The following HDAC4 variants were observed in gnomAD, a reference collection of about 807,000 sequenced individuals.
HDAC4 encodes the protein histone deacetylase A.
Under a neutral mutation model 135.1 loss-of-function variants are expected in HDAC4, and 16 were observed. That is an observed-to-expected ratio of 0.12 (90% CI 0.08 to 0.18). The LOEUF is 0.18. HDAC4 is among the 10% of genes least tolerant of loss of function. HDAC4 has a pLI of 1.00. For missense variants in HDAC4, 1,143 were observed against 1,511.8 expected (o/e 0.76, Z 4.05); for synonymous variants, 685 against 653.4 (o/e 1.05, Z -0.74).
At chr2:239,098,478 C>T (rs992108867) in intron 16 of HDAC4, among the ~76,000 whole-genome samples, 4 of 152,244 alleles carry the variant, frequency 2.6e-5, no homozygotes, top group Admixed American at 1.3e-4. Flanking sequence ...TGAGCATCAC[C>T]GGCACCCACT....
At chr2:239,321,911 G>C (rs191149355) in intron 2 of HDAC4, among the ~76,000 whole-genome samples, 10 of 152,256 alleles carry the variant, frequency 6.6e-5, no homozygotes, top group Admixed American at 5.9e-4. Context: ...TTGACATGTT[G>C]AACAAAGAAT....
chr2:239,072,101 T>C (rs1362075512), intron 22 of HDAC4, among the ~76,000 whole-genome samples: 1 of 152,206 alleles, frequency 6.6e-6, no homozygotes, highest in African/African-American at 2.4e-5. Context: ...TCACCACTCT[T>C]CCTACCCAAG....
intron 22 of HDAC4, among the ~76,000 whole-genome samples, chr2:239,075,900 C>T (rs990145445): frequency 6.6e-6 from 1 of 151,414 alleles, no homozygotes; most frequent in African/African-American, 2.4e-5. Context: ...GGGTGCTGGC[C>T]ACTTTCCTCG....
chr2:239,231,942 C>T (rs1486203162), intron 3 of HDAC4, among the ~76,000 whole-genome samples: 98 of 142,988 alleles, frequency 6.9e-4, no homozygotes, highest in Middle Eastern at 3.5e-3. Context: ...TCTCCTCAAT[C>T]GAGGCTGCTG....
intron 3 of HDAC4, among the ~76,000 whole-genome samples, chr2:239,190,677 G>A (rs758861760): frequency 1.4e-4 from 22 of 152,314 alleles, no homozygotes; most frequent in African/African-American, 4.3e-4. Flanking sequence ...CACAGCCAAC[G>A]AGACGTGCTC....
chr2:239,292,072 C>G (rs900700903), intron 2 of HDAC4, among the ~76,000 whole-genome samples: 3 of 151,936 alleles, frequency 2.0e-5, no homozygotes, highest in Admixed American at 1.3e-4. Context: ...ACACCAGGGG[C>G]TGCGCGCACA....
intron 1 of HDAC4, among the ~76,000 whole-genome samples, chr2:239,360,827 T>C (rs558668292): frequency 6.6e-6 from 1 of 152,326 alleles, no homozygotes; most frequent in South Asian, 2.1e-4. Context: ...AGCCTGATTC[T>C]TTTCTCCCCA....
At chr2:239,359,462 G>A (rs1016806220) in intron 1 of HDAC4, among the ~76,000 whole-genome samples, 2 of 152,214 alleles carry the variant, frequency 1.3e-5, no homozygotes, top group Non-Finnish European at 2.9e-5. Flanking sequence ...TGTCCTCTGC[G>A]CTGAGGGAAG....
intron 1 of HDAC4, among the ~76,000 whole-genome samples, chr2:239,396,541 G>A (rs961455055): frequency 1.3e-5 from 2 of 152,054 alleles, no homozygotes; most frequent in African/African-American, 4.8e-5. Context: ...TTTCATCACT[G>A]GCACAATGAT....
intron 3 of HDAC4, among the ~76,000 whole-genome samples, chr2:239,196,416 G>A (rs1455869264): frequency 6.6e-6 from 1 of 152,216 alleles, no homozygotes; most frequent in Non-Finnish European, 1.5e-5. Context: ...CTTGTTAAGT[G>A]TCCTCTTGCT....
intron 2 of HDAC4, among the ~76,000 whole-genome samples, chr2:239,261,556 C>T (rs1195437109): frequency 6.6e-6 from 1 of 152,120 alleles, no homozygotes; most frequent in Non-Finnish European, 1.5e-5. Context: ...ATCTTACTAG[C>T]CTGCCAGCCA....
intron 1 of HDAC4, among the ~76,000 whole-genome samples, chr2:239,378,764 T>C (rs1396547299): frequency 6.6e-6 from 1 of 152,222 alleles, no homozygotes; most frequent in African/African-American, 2.4e-5. Flanking sequence ...CCCCGGCATG[T>C]CCTGGGCTCT....
chr2:239,372,017 G>A (rs1365780594), intron 1 of HDAC4, among the ~76,000 whole-genome samples: 1 of 152,244 alleles, frequency 6.6e-6, no homozygotes, highest in Admixed American at 6.5e-5. Context: ...GACCAGGGCA[G>A]GGCGCGTGGG....
chr2:239,293,234 C>T (rs536860064), intron 2 of HDAC4, among the ~76,000 whole-genome samples: 1 of 152,308 alleles, frequency 6.6e-6, no homozygotes, highest in African/African-American at 2.4e-5. Flanking sequence ...AGTCTCTTCT[C>T]GACAGATCCC....
intron 1 of HDAC4, among the ~76,000 whole-genome samples, chr2:239,396,631 T>C (rs1483788066): frequency 6.6e-6 from 1 of 152,198 alleles, no homozygotes; most frequent in African/African-American, 2.4e-5. Context: ...CTTTATATAT[T>C]GACTGTTAAG....
intron 1 of HDAC4, among the ~76,000 whole-genome samples, chr2:239,375,469 G>A (rs1339890252): frequency 6.6e-6 from 1 of 152,166 alleles, no homozygotes; most frequent in Non-Finnish European, 1.5e-5. Context: ...CGAAGCCCCT[G>A]CCTCAGGCCT....
At chr2:239,070,771 C>A (rs539532261) in intron 22 of HDAC4, among the ~76,000 whole-genome samples, 1 of 152,046 alleles carries the variant, frequency 6.6e-6, no homozygotes, top group African/African-American at 2.4e-5. Flanking sequence ...TCAAAAAGTT[C>A]GTGGAAAAAT....
intron 12 of HDAC4, 115 bp downstream of exon 12, chr2:239,126,341 T>C (rs2040185425): frequency 6.4e-7 from 1 of 1,567,826 alleles, no homozygotes; most frequent in East Asian, 2.2e-5. Context: ...CGGTTCCCTC[T>C]TTCTGCCTCC....
chr2:239,114,811 G>T (rs1451008870), intron 13 of HDAC4, among the ~76,000 whole-genome samples: 1 of 152,134 alleles, frequency 6.6e-6, no homozygotes, highest in Non-Finnish European at 1.5e-5. Flanking sequence ...GCCTGCGCAT[G>T]GCTGGAAAGC....
Sources: allele counts gnomAD v4.1 joint callset (sites outside exome capture counted in the v4.1 genomes callset), GRCh38; gene constraint gnomAD v4.1.1; transcripts MANE v1.5; gene names NCBI Gene and HGNC (gene_info 2026-07-23, HGNC 2026-07-21).